AP3B1: variants seen among roughly 807,000 people sequenced by gnomAD.
AP3B1 encodes AP-3 complex subunit beta-1.
Under a neutral mutation model 132.5 loss-of-function variants are expected in AP3B1, and 61 were observed. The observed-to-expected ratio is 0.46, with a 90% CI of 0.37 to 0.57. The LOEUF is 0.57. Among genes scored for constraint, AP3B1 ranks in the 20% least tolerant of loss-of-function variants. The pLI is 0.00. For missense variants in AP3B1, 1,120 were observed against 1,289.4 expected, an observed-to-expected ratio of 0.87 and a Z score of 2.01; for synonymous variants, 388 against 438.3, an observed-to-expected ratio of 0.89 and a Z score of 1.43.
At chr5:78,127,121 T>C (rs1396596381) in intron 17 of AP3B1, among the ~76,000 whole-genome samples, 1 of 152,192 alleles carries the variant, frequency 6.6e-6, no homozygotes, top group East Asian at 1.9e-4. Flanking sequence ...CCATGATCAT[T>C]ATAGAAATTC....
intron 7 of AP3B1, among the ~76,000 whole-genome samples, chr5:78,190,306 G>A (rs758053357): frequency 6.6e-6 from 1 of 151,904 alleles, no homozygotes; most frequent in Non-Finnish European, 1.5e-5. Context: ...TCTTAGATCC[G>A]GCTCTCCCAG....
chr5:78,212,023 T>G (rs1315534100), intron 7 of AP3B1, among the ~76,000 whole-genome samples: 1 of 152,242 alleles, frequency 6.6e-6, no homozygotes, highest in Non-Finnish European at 1.5e-5. Flanking sequence ...CTCACGCCTG[T>G]AATCCCAGCA....
intron 11 of AP3B1, among the ~76,000 whole-genome samples, chr5:78,167,581 C>T (rs1017184813): frequency 1.3e-5 from 2 of 151,830 alleles, no homozygotes; most frequent in African/African-American, 4.8e-5. Context: ...AATATGGAAC[C>T]AGCCCAAATG....
intron 17 of AP3B1, among the ~76,000 whole-genome samples, chr5:78,126,198 T>C (rs926895110): frequency 5.9e-5 from 9 of 152,012 alleles, no homozygotes; most frequent in Non-Finnish European, 1.0e-4. Context: ...TATATTCTAG[T>C]ATCTGATCAA....
At chr5:78,015,678 CA>C in intron 25 of AP3B1, 130 bp from the exon 26 acceptor site, 1 of 857,838 alleles carries the variant, frequency 1.2e-6, no homozygotes, top group Non-Finnish European at 1.8e-6. Flanking sequence ...ATGTAATTTA[CA>C]AGATAATTAT....
At chr5:78,191,354 C>CAAAAAAAA (rs34733864) in intron 7 of AP3B1, among the ~76,000 whole-genome samples, 41 of 72,836 alleles carry the variant, frequency 5.6e-4, no homozygotes, top group African/African-American at 2.2e-3. Context: ...TGCTTTTCCC[C>CAAAAAAAA]AAAAAAAAAA....
chr5:78,042,248 AT>A (rs149771716), intron 22 of AP3B1: 13 of 146,452 alleles, frequency 8.9e-5, no homozygotes, highest in South Asian at 2.2e-4. Context: ...AATTTTATTT[AT>A]TTTTTTTTTA....
At chr5:78,228,919 AAC>A (rs1467528900) in intron 3 of AP3B1, among the ~76,000 whole-genome samples, 29 of 151,976 alleles carry the variant, frequency 1.9e-4, no homozygotes, top group African/African-American at 6.5e-4. Context: ...GTGTTCTGGA[AAC>A]AGTTTTTTTT....
chr5:78,253,704 C>A (rs147486341), intron 2 of AP3B1, among the ~76,000 whole-genome samples: 3,763 of 152,142 alleles, frequency 0.025, 162 homozygotes, highest in African/African-American at 0.083. Context: ...CGGTGGCTCA[C>A]GCCTGTAATC....
intron 22 of AP3B1, among the ~76,000 whole-genome samples, chr5:78,055,350 AGT>A (rs1436055214): frequency 6.6e-6 from 1 of 152,214 alleles, no homozygotes; most frequent in African/African-American, 2.4e-5. Flanking sequence ...TACAGCTGGC[AGT>A]GGTACGAAGG....
Position 78,142,709 on chromosome 5 carries a change from T to A in AP3B1, c.1474-1390A>T, listed in dbSNP as rs576013928. ...AAAAAAGCTTTTAAATAAAAAGGTATATATTTTAAAACAGTGTAACAGCAT... is the reference window on the plus strand; with the variant it reads ...AAAAAAGCTTTTAAATAAAAAGGTAAATATTTTAAAACAGTGTAACAGCAT... On this transcript the variant is annotated intron_variant, in intron 14 of 26. Coordinates refer to ENST00000255194, the MANE Select transcript of AP3B1 (RefSeq NM_003664.5). Among the ~76,000 whole-genome samples the A allele has an allele frequency of 3.9e-5, 6 of 152,268 alleles. No individual in the cohort carries two copies. The South Asian group carries it at 1.2e-3, about 32-fold the overall frequency.
intron 14 of AP3B1, among the ~76,000 whole-genome samples, chr5:78,142,651 T>C (rs935920475): frequency 6.6e-6 from 1 of 152,102 alleles, no homozygotes. Context: ...GTTACAATAT[T>C]GAGTCCTTCA....
At chr5:78,015,339 T>C in intron 26 of AP3B1, 71 bp downstream of exon 26, 1 of 1,475,780 alleles carries the variant, frequency 6.8e-7, no homozygotes, top group Non-Finnish European at 9.3e-7. Context: ...AAGAAAACAA[T>C]GAATTTAAAA....
intron 7 of AP3B1, among the ~76,000 whole-genome samples, chr5:78,208,939 A>G (rs1463809951): frequency 7.3e-6 from 1 of 136,732 alleles, no homozygotes; most frequent in Non-Finnish European, 1.6e-5. Flanking sequence ...TCTAATATAT[A>G]TATTCCAAAG....
At chr5:78,200,629 G>A in intron 7 of AP3B1, among the ~76,000 whole-genome samples, 1 of 152,046 alleles carries the variant, frequency 6.6e-6, no homozygotes, top group East Asian at 1.9e-4. Flanking sequence ...ACCCCAACCT[G>A]GGCAACAGAG....
At chr5:78,153,229 G>A (rs984179006) in intron 14 of AP3B1, among the ~76,000 whole-genome samples, 1 of 152,102 alleles carries the variant, frequency 6.6e-6, no homozygotes, top group Non-Finnish European at 1.5e-5. Flanking sequence ...AGTGTTGAGT[G>A]CATATATATT....
At chr5:78,064,501 T>A (rs1200384104) in intron 22 of AP3B1, among the ~76,000 whole-genome samples, 1 of 152,196 alleles carries the variant, frequency 6.6e-6, no homozygotes, top group African/African-American at 2.4e-5. Context: ...CTGCCCCCTT[T>A]CAGTGCATGA....
intron 12 of AP3B1, among the ~76,000 whole-genome samples, chr5:78,165,166 G>A (rs988694455): frequency 6.6e-5 from 10 of 152,080 alleles, no homozygotes; most frequent in African/African-American, 1.4e-4. Flanking sequence ...TTAAAAAATC[G>A]TAGTGGGGCA....
chr5:78,086,767 C>G (rs1394735830), intron 22 of AP3B1, among the ~76,000 whole-genome samples: 1 of 152,168 alleles, frequency 6.6e-6, no homozygotes, highest in Admixed American at 6.5e-5. Flanking sequence ...ATTCAACTGT[C>G]TCATTAGACA....
Sources: gnomAD v4.1 joint callset for allele counts (sites outside exome capture counted in the v4.1 genomes callset) on GRCh38, gnomAD v4.1.1 for gene constraint, MANE v1.5 for transcripts, NCBI Gene and HGNC (gene_info 2026-07-23, HGNC 2026-07-21) for gene names.